The following TRDN variants were observed in gnomAD, a reference collection of about 807,000 sequenced individuals.
The protein encoded by TRDN is triadin, also known as triadin in skeletal muscle.
A neutral mutation model predicts 149.7 loss-of-function variants in TRDN; 161 were observed. The observed-to-expected ratio is 1.08, with a 90% confidence interval of 0.95 to 1.23. The LOEUF (loss-of-function observed/expected upper bound fraction) is 1.23. Among genes scored for constraint, TRDN ranks in the 50% most tolerant of loss-of-function variants. The pLI is 0.00. For synonymous variants in TRDN, 294 were observed against 250.5 expected (o/e 1.17, Z -1.64); for missense variants, 896 against 823.5 (o/e 1.09, Z -1.08).
chr6:123,557,086 C>A (rs1478244611), intron 2 of TRDN, among the ~76,000 whole-genome samples: 1 of 151,642 alleles, frequency 6.6e-6, no homozygotes, highest in Non-Finnish European at 1.5e-5. Context: ...GAATAACCCC[C>A]CTTTGACTGT....
intron 31 of TRDN, 151 bp downstream of exon 31, chr6:123,269,698 A>G: frequency 1.4e-6 from 1 of 691,028 alleles, no homozygotes. Context: ...ATCACTAACA[A>G]TTAAATAGCA....
At chr6:123,556,817 G>A (rs1245406721) in intron 2 of TRDN, among the ~76,000 whole-genome samples, 1 of 152,044 alleles carries the variant, frequency 6.6e-6, no homozygotes, top group East Asian at 1.9e-4. Context: ...AAATTCATAT[G>A]TTGACATCCA....
intron 20 of TRDN, among the ~76,000 whole-genome samples, chr6:123,359,278 G>A (rs1780806761): frequency 1.3e-5 from 2 of 152,162 alleles, no homozygotes; most frequent in African/African-American, 4.8e-5. Context: ...TAGCATTATA[G>A]GATTGTTGTA....
At position 123,486,485 on chromosome 6, in the gene TRDN, G is replaced by T. The variant is rs115402155; in HGVS notation, c.853+10708C>A. 4.3e-3 allele frequency among the ~76,000 whole-genome samples: 647 copies of T among 151,970 alleles called. 8 individuals are homozygous for T. Among genetic ancestry groups the T allele is most frequent in the African/African-American group, 0.015 (614 of 41,502 alleles). On this transcript the variant is annotated intron_variant, in intron 9 of 40. Coordinates refer to ENST00000334268, the MANE Select transcript of TRDN (RefSeq NM_006073.4). ...TCCCGTTGATCCTTCAACTAAAAGA[G>T]TTAATGTTGTAAACATTACCTGAAG...
At chr6:123,308,025 C>G (rs1778676819) in intron 24 of TRDN, among the ~76,000 whole-genome samples, 1 of 151,904 alleles carries the variant, frequency 6.6e-6, no homozygotes, top group South Asian at 2.1e-4. Flanking sequence ...TCTCCCATCT[C>G]TAGTAGTCCT....
intron 31 of TRDN, 85 bp downstream of exon 31, chr6:123,269,764 A>G: frequency 7.2e-7 from 1 of 1,390,468 alleles, no homozygotes; most frequent in South Asian, 1.3e-5. Flanking sequence ...TGAAAATAAC[A>G]TTTTTCTTAA....
At chr6:123,370,158 C>T (rs899244059) in intron 19 of TRDN, among the ~76,000 whole-genome samples, 11 of 152,216 alleles carry the variant, frequency 7.2e-5, no homozygotes, top group African/African-American at 1.7e-4. Context: ...AATAGAATAT[C>T]GCCAAGGCCT....
intron 4 of TRDN, among the ~76,000 whole-genome samples, chr6:123,537,971 T>C (rs1780634530): frequency 6.6e-6 from 1 of 152,236 alleles, no homozygotes; most frequent in Admixed American, 6.5e-5. Flanking sequence ...GCAATTTTTC[T>C]CTATTAATAT....
chr6:123,520,314 A>T (rs1328791421), intron 5 of TRDN, among the ~76,000 whole-genome samples: 2 of 152,180 alleles, frequency 1.3e-5, no homozygotes, highest in Non-Finnish European at 2.9e-5. Flanking sequence ...GGAATATAAG[A>T]AGTAACTACC....
At chr6:123,503,270 T>C (rs1323446025) in intron 8 of TRDN, 3 of 985,228 alleles carry the variant, frequency 3.0e-6, no homozygotes, top group African/African-American at 1.7e-5. Context: ...GCAACAGTAA[T>C]GTATGGATAG....
intron 32 of TRDN, among the ~76,000 whole-genome samples, chr6:123,267,327 T>C (rs1298675003): frequency 1.3e-5 from 2 of 152,028 alleles, no homozygotes; most frequent in Non-Finnish European, 2.9e-5. Context: ...AGAGGATATA[T>C]CAAGCTGAAA....
At chr6:123,377,426 T>G (rs1043596913) in intron 18 of TRDN, among the ~76,000 whole-genome samples, 7 of 152,220 alleles carry the variant, frequency 4.6e-5, no homozygotes, top group Admixed American at 3.3e-4. Context: ...AGACTCTGAT[T>G]CAGTAGGTCT....
chr6:123,490,395 G>A (rs1385042092), intron 9 of TRDN, among the ~76,000 whole-genome samples: 2 of 152,138 alleles, frequency 1.3e-5, no homozygotes, highest in Admixed American at 1.3e-4. Flanking sequence ...CATACTTGGT[G>A]GAATAGAGCG....
intron 1 of TRDN, among the ~76,000 whole-genome samples, chr6:123,596,259 C>A (rs769996644): frequency 6.6e-6 from 1 of 152,060 alleles, no homozygotes; most frequent in Non-Finnish European, 1.5e-5. Flanking sequence ...AAGGCACTAA[C>A]TCTCTTCAAT....
At chr6:123,507,600 G>T (rs1562353525) in intron 7 of TRDN, among the ~76,000 whole-genome samples, 2 of 151,974 alleles carry the variant, frequency 1.3e-5, no homozygotes, top group African/African-American at 4.8e-5. Context: ...CTTCAATTTT[G>T]TGCCAAAATA....
intron 12 of TRDN, among the ~76,000 whole-genome samples, chr6:123,425,231 A>AGG (rs1216038889): frequency 8.7e-5 from 10 of 115,232 alleles, no homozygotes; most frequent in African/African-American, 3.1e-4. Flanking sequence ...TCAGAGGTAG[A>AGG]GGTGTGTGTG....
intron 10 of TRDN, among the ~76,000 whole-genome samples, chr6:123,455,013 T>C (rs550645155): frequency 6.6e-6 from 1 of 152,300 alleles, no homozygotes; most frequent in South Asian, 2.1e-4. Flanking sequence ...GAGATAGATA[T>C]ACTCTGTGAA....
At chr6:123,308,891 T>C (rs1778711587) in intron 24 of TRDN, among the ~76,000 whole-genome samples, 1 of 152,048 alleles carries the variant, frequency 6.6e-6, no homozygotes, top group Non-Finnish European at 1.5e-5. Flanking sequence ...TCAATAGGTT[T>C]CAAAGCTGAG....
At chr6:123,264,786 A>G (rs1776883500) in intron 33 of TRDN, among the ~76,000 whole-genome samples, 1 of 152,084 alleles carries the variant, frequency 6.6e-6, no homozygotes, top group African/African-American at 2.4e-5. Context: ...ACATCGAGAC[A>G]ATACTTTTAC....
Sources: gnomAD v4.1 joint callset for allele counts (sites outside exome capture counted in the v4.1 genomes callset) on GRCh38, gnomAD v4.1.1 for gene constraint, MANE v1.5 for transcripts, NCBI Gene and HGNC (gene_info 2026-07-23, HGNC 2026-07-21) for gene names.